Variants in UPF2 observed in about 807,000 individuals in gnomAD.
The protein encoded by UPF2 is UPF2 regulator of nonsense mediated mRNA decay.
Under a neutral mutation model 141.4 loss-of-function variants are expected in UPF2, and 17 were observed. The ratio of observed to expected loss-of-function variants is 0.12; its 90% confidence interval spans 0.08 to 0.18. The LOEUF (loss-of-function observed/expected upper bound fraction) is 0.18, where lower values mean the gene tolerates loss of function less well. Among genes scored for constraint, UPF2 ranks in the 10% least tolerant of loss-of-function variants. UPF2 has a pLI of 1.00. For synonymous variants in UPF2, 540 were observed against 498.0 expected (o/e 1.08, Z -1.12); for missense variants, 1,152 against 1,515.9 (o/e 0.76, Z 3.99).
chr10:11,929,576 G>A (rs934074538), intron 21 of UPF2, among the ~76,000 whole-genome samples: 1 of 152,096 alleles, frequency 6.6e-6, no homozygotes, highest in African/African-American at 2.4e-5. Context: ...GGGTGAGGCT[G>A]TAGTGAGTGA....
chr10:12,031,170 T>C (rs1473779319), intron 2 of UPF2, among the ~76,000 whole-genome samples: 1 of 119,098 alleles, frequency 8.4e-6, no homozygotes, highest in Non-Finnish European at 1.7e-5. Flanking sequence ...CAAGACTCCA[T>C]CTCAAAAAAA....
intron 1 of UPF2, among the ~76,000 whole-genome samples, chr10:12,036,701 C>T (rs1449964046): frequency 6.6e-6 from 1 of 152,178 alleles, no homozygotes; most frequent in African/African-American, 2.4e-5. Flanking sequence ...CACGTTTTAA[C>T]TCCTAAATTA....
intron 3 of UPF2, among the ~76,000 whole-genome samples, chr10:12,018,246 G>A (rs767377316): frequency 6.6e-6 from 1 of 152,118 alleles, no homozygotes; most frequent in Non-Finnish European, 1.5e-5. Context: ...CAACAAGTCC[G>A]AGACCAACCT....
chr10:12,022,627 C>T (rs1011202928), intron 3 of UPF2, among the ~76,000 whole-genome samples: 7 of 152,038 alleles, frequency 4.6e-5, no homozygotes, highest in Non-Finnish European at 1.0e-4. Flanking sequence ...ACAGCTATAA[C>T]ACTAAATCTA....
At chr10:11,957,123 A>C (rs1833164550) in intron 12 of UPF2, among the ~76,000 whole-genome samples, 1 of 150,212 alleles carries the variant, frequency 6.7e-6, no homozygotes, top group Admixed American at 6.6e-5. Flanking sequence ...CCCAGTATGG[A>C]GTAGGTCTTT....
chr10:11,982,422 C>A (rs1264555904), intron 8 of UPF2, among the ~76,000 whole-genome samples: 4 of 152,178 alleles, frequency 2.6e-5, no homozygotes, highest in African/African-American at 9.7e-5. Context: ...AGCTTGCCTG[C>A]ACCAGGCCCA....
At chr10:12,001,522 T>C (rs997343710) in intron 6 of UPF2, among the ~76,000 whole-genome samples, 154 bp downstream of exon 6, 4 of 152,192 alleles carry the variant, frequency 2.6e-5, no homozygotes, top group Admixed American at 2.0e-4. Context: ...TGTCCTGTTA[T>C]AAATCAAATT....
chr10:12,035,808 C>T (rs1206283992), intron 1 of UPF2: 1 of 157,262 alleles, frequency 6.4e-6, no homozygotes, highest in Non-Finnish European at 1.4e-5. Context: ...TATCTGTGAA[C>T]ATTTTGAGTC....
rs58106776 is a variant in UPF2, at chr10:11,938,853, G to GTTTTTTTTTTTTTT, written c.3379-2155_3379-2142dup. On this transcript the variant is annotated intron_variant, in intron 18 of 21. Transcript: ENST00000357604. ...GTGGTCTTAAGCAAGTTTTTTTTTT[G>GTTTTTTTTTTTTTT]TTTTTTTTTTTTTTTTTTTTTTTTT... Among the ~76,000 whole-genome samples, 720 of 79,832 alleles carry GTTTTTTTTTTTTTT rather than the reference G, an allele frequency of 9.0e-3. 153 individuals carry two copies. The highest frequency in any genetic ancestry group is 0.012 in the Non-Finnish European group (510 of 42,780). 52.4% of individuals were successfully genotyped at this position (79,832 alleles called of 152,430 possible).
chr10:11,947,905 A>C (rs2131178373), intron 16 of UPF2, among the ~76,000 whole-genome samples: 1 of 152,120 alleles, frequency 6.6e-6, no homozygotes, highest in South Asian at 2.1e-4. Context: ...TTAATTAAAC[A>C]AGGGGTTTTA....
At position 11,959,842 on chromosome 10, in the gene UPF2, TACTA is replaced by T. The variant is rs1410901996; in HGVS notation, c.2185-490_2185-487del. On this transcript the variant is annotated intron_variant, in intron 11 of 21. Coordinates refer to ENST00000357604, the MANE Select transcript of UPF2 (RefSeq NM_015542.4). The surrounding 1 kb of genome is among the most constrained non-coding windows in gnomAD (Gnocchi z 5.9). ...AGGCATATCAAAGAGCATGTAAGCA[TACTA>T]ACTGTTATACTACTTATCATTTTTA... 1.2e-4 allele frequency among the ~76,000 whole-genome samples: 18 copies of T among 152,328 alleles called. No individual in the cohort carries two copies. Among genetic ancestry groups the T allele is most frequent in the Admixed American group, 6.5e-5 (1 of 15,296 alleles).
At chr10:12,033,818 G>C (rs538292914) in intron 2 of UPF2, among the ~76,000 whole-genome samples, 2 of 152,046 alleles carry the variant, frequency 1.3e-5, no homozygotes, top group Non-Finnish European at 2.9e-5. Context: ...CAAAGGGCTG[G>C]GTTTACAGGC....
chr10:12,002,633 A>G (rs1389823435), intron 5 of UPF2, among the ~76,000 whole-genome samples: 1 of 152,260 alleles, frequency 6.6e-6, no homozygotes, highest in Non-Finnish European at 1.5e-5. Flanking sequence ...AAATATCCTT[A>G]TCATTTCAAT....
At chr10:11,933,690 G>A (rs1564335417) in intron 19 of UPF2, among the ~76,000 whole-genome samples, 2 of 152,058 alleles carry the variant, frequency 1.3e-5, no homozygotes, top group African/African-American at 4.8e-5. Context: ...AAGCCCACAA[G>A]TTTCTTTTAA....
chr10:11,935,213 C>T lies in UPF2; in HGVS notation c.3546+1332G>A, dbSNP rs1832834651. ...TGTCTCTTTCTATCCTCTTACCCTG[C>T]TTTATCCTCCTTGGTAGCCATCCCA... On this transcript the variant is annotated intron_variant, in intron 19 of 21. Transcript: ENST00000357604. This position sits in a 1 kb window ranked among gnomAD's most constrained non-coding sequence, Gnocchi z 4.9. 6.6e-6 allele frequency among the ~76,000 whole-genome samples: 1 copy of T among 152,118 alleles called. No homozygotes were observed. The highest frequency in any genetic ancestry group is 2.1e-4 in the South Asian group (1 of 4,812).
chr10:12,039,713 C>T (rs577252130), intron 1 of UPF2, among the ~76,000 whole-genome samples: 5 of 151,946 alleles, frequency 3.3e-5, no homozygotes, highest in Admixed American at 6.6e-5. Context: ...CTCTGCCACC[C>T]GGGTTCAAGT....
chr10:11,929,287 T>C (rs184113451), intron 21 of UPF2, among the ~76,000 whole-genome samples: 1 of 152,342 alleles, frequency 6.6e-6, no homozygotes, highest in Non-Finnish European at 1.5e-5. Context: ...ATGATGTCTC[T>C]CTCTTGCTCA....
intron 9 of UPF2, among the ~76,000 whole-genome samples, chr10:11,967,857 C>A (rs945977689): frequency 3.3e-5 from 5 of 152,092 alleles, no homozygotes; most frequent in Admixed American, 6.6e-5. Context: ...GCCCAGCCCA[C>A]TCCAGATATT....
chr10:11,986,178 C>T (rs890328173), intron 8 of UPF2, among the ~76,000 whole-genome samples: 9 of 151,972 alleles, frequency 5.9e-5, no homozygotes, highest in African/African-American at 2.2e-4. Context: ...ACCACCGCGC[C>T]CGGCCTAGAT....
Sources: gnomAD v4.1 joint callset for allele counts (sites outside exome capture counted in the v4.1 genomes callset) on GRCh38, gnomAD v4.1.1 for gene constraint, Gnocchi (gnomAD v3.1) non-coding constraint, MANE v1.5 for transcripts, NCBI Gene and HGNC (gene_info 2026-07-23, HGNC 2026-07-21) for gene names.